EXO1: variants seen among roughly 807,000 people sequenced by gnomAD.
EXO1 encodes exonuclease 1.
A neutral mutation model predicts 84.5 loss-of-function variants in EXO1; 69 were observed. The observed-to-expected ratio is 0.82, with a 90% confidence interval of 0.67 to 1.00. The LOEUF is 1.00. EXO1 is among the 50% of genes least tolerant of loss of function. EXO1 has a pLI of 0.00. For missense variants in EXO1, 1,045 were observed against 1,000.7 expected (o/e 1.04, Z -0.60); for synonymous variants, 373 against 366.1 (o/e 1.02, Z -0.21).
chr1:241,848,013 C>A, upstream of EXO1: 1 of 152,346 alleles, frequency 6.6e-6, no homozygotes, highest in East Asian at 1.9e-4. The surrounding 1 kb of genome is among the most constrained non-coding windows in gnomAD (Gnocchi z 4.2). Flanking sequence ...CAAGAAGCCG[C>A]ACGGAGTTCG....
chr1:241,878,197 C>CTTT (rs1662509615), intron 12 of EXO1, among the ~76,000 whole-genome samples: 1 of 152,144 alleles, frequency 6.6e-6, no homozygotes. Context: ...TAGAAGACTG[C>CTTT]TTTTAGAAAG....
At chr1:241,852,965 A>T (rs1660751857) in intron 5 of EXO1, among the ~76,000 whole-genome samples, 1 of 152,192 alleles carries the variant, frequency 6.6e-6, no homozygotes, top group Admixed American at 6.5e-5. Flanking sequence ...CCTAAAAAAA[A>T]ATTAATAAAT....
intron 12 of EXO1, 61 bp from the exon 13 acceptor site, chr1:241,878,688 C>A (rs1257110884): frequency 1.3e-5 from 12 of 953,676 alleles, no homozygotes; most frequent in Non-Finnish European, 1.8e-5. Context: ...ATCTTGACAC[C>A]CCTTGAGAAA....
At position 241,872,449 on chromosome 1, in the gene EXO1, C is replaced by T. The variant is rs142008349; in HGVS notation, c.1514+171C>T. 8.6e-3 allele frequency among the ~76,000 whole-genome samples: 1,306 copies of T among 152,192 alleles called. 23 individuals carry two copies. Among genetic ancestry groups the T allele is most frequent in the African/African-American group, 0.029 (1,204 of 41,506 alleles). The stretch of plus-strand genomic sequence containing the variant: ...ATACATGTGCCATGGTGATTTGCTG[C>T]ACCCATCAACCCGTCACCTCCATTA... On this transcript the variant is annotated intron_variant, in intron 12 of 15. Coordinates refer to ENST00000366548, the MANE Select transcript of EXO1 (RefSeq NM_130398.4).
intron 10 of EXO1, among the ~76,000 whole-genome samples, chr1:241,862,559 C>T (rs1224506822): frequency 6.6e-6 from 1 of 152,198 alleles, no homozygotes; most frequent in African/African-American, 2.4e-5. Context: ...TCACATTTCT[C>T]TTTTATTTCC....
chr1:241,889,471 T>A lies in EXO1; in HGVS notation c.2412T>A (p.Ser804=). 1.2e-6 allele frequency: 2 copies of A among 1,613,392 alleles called. No homozygotes were observed. The highest frequency in any genetic ancestry group is 8.5e-7 in the Non-Finnish European group (1 of 1,179,288). The change falls in exon 16 of 16, where the codon TCT becomes TCA. Residue 804 remains serine, a synonymous_variant. Transcript: ENST00000366548. ...ATTTTATTGTATTTTGCAGAGATTC[T>A]GAAAAGCTTCCTCCTTGTAAGAAAC... ...LWKNFGFKKD[S]EKLPPCKKPL... is the part of the protein sequence containing the mutation.
chr1:241,870,144 A>G (rs981421986), intron 11 of EXO1, among the ~76,000 whole-genome samples: 5 of 152,092 alleles, frequency 3.3e-5, no homozygotes, highest in African/African-American at 1.2e-4. Flanking sequence ...TGCTACAATC[A>G]AGACACGCTG....
chr1:241,871,915 T>C, intron 11 of EXO1, 117 bp from the exon 12 acceptor site: 1 of 722,846 alleles, frequency 1.4e-6, no homozygotes. Flanking sequence ...GGCATAGTTT[T>C]TTTTTTTTTT....
At chr1:241,852,168 A>G in intron 4 of EXO1, 124 bp from the exon 5 acceptor site, 2 of 853,156 alleles carry the variant, frequency 2.3e-6, no homozygotes, top group East Asian at 2.5e-5. Context: ...CTATGAAAAC[A>G]TCTGCTTAAA....
chr1:241,884,211 C>A (rs181194150), intron 14 of EXO1, among the ~76,000 whole-genome samples: 1 of 152,136 alleles, frequency 6.6e-6, no homozygotes, highest in Non-Finnish European at 1.5e-5. Context: ...CAAATTCTAA[C>A]GTTTATTTCT....
chr1:241,881,131 G>T (rs183425408), intron 13 of EXO1, among the ~76,000 whole-genome samples: 2 of 152,010 alleles, frequency 1.3e-5, no homozygotes, highest in Non-Finnish European at 2.9e-5. Context: ...GGGTTCAAGC[G>T]ATTCTCCCAC....
Position 241,850,624 on chromosome 1 carries a change from G to T in EXO1, c.161+38G>T, listed in dbSNP as rs369324552. On this transcript the variant is annotated intron_variant, in intron 4 of 15. Transcript: ENST00000366548. ...CTTATGTTAATTCTTTGACAATTAA[G>T]AATGAGACCTACAGTGCCTTTTTTT... is the stretch of plus-strand genomic sequence containing the variant. 49 of 1,566,212 alleles carry T rather than the reference G, an allele frequency of 3.1e-5. No homozygotes were observed. The African/African-American group carries it at 5.8e-4, about 19-fold the overall frequency.
Position 241,875,968 on chromosome 1 carries a change from G to A in EXO1, c.1515-2781G>A, listed in dbSNP as rs187043132. Reference sequence around the variant, plus strand: ...TTTTCTAGCTTGGTTTTGTTTTTCCGCTGGGGTGAGAGTAGAGTGTCCCTG... The same window carrying A: ...TTTTCTAGCTTGGTTTTGTTTTTCCACTGGGGTGAGAGTAGAGTGTCCCTG... On this transcript the variant is annotated intron_variant, in intron 12 of 15. Transcript: ENST00000366548. Among the ~76,000 whole-genome samples the A allele has an allele frequency of 8.0e-4, 122 of 152,262 alleles. 3 individuals are homozygous for A. The highest frequency in any genetic ancestry group is 7.7e-3 in the Admixed American group (118 of 15,294).
rs1252435142 is a variant in EXO1 at position 241,848,960 on chromosome 1, A to AT, written c.-187dup. 6.6e-6 allele frequency: 1 copy of AT among 152,222 alleles called. No homozygotes were observed. The highest frequency in any genetic ancestry group is 2.4e-5 in the African/African-American group (1 of 41,448). 9.4% of individuals were successfully genotyped at this position (152,222 alleles called of 1,614,324 possible). ...CCTGGCCCAGAAGAAACTTATGTAA[A>AT]TTTCATGAACTATTATATCCGTTTT... is the stretch of plus-strand genomic sequence containing the variant. On this transcript the variant is annotated 5_prime_UTR_variant, in exon 2 of 16. An upstream open reading frame in the 5' UTR gains an earlier in-frame stop. Coordinates refer to ENST00000366548, the MANE Select transcript of EXO1 (RefSeq NM_130398.4). This position sits in a 1 kb window ranked among gnomAD's most constrained non-coding sequence, Gnocchi z 4.2.
At chr1:241,880,049 C>A (rs561934587) in intron 13 of EXO1, among the ~76,000 whole-genome samples, 2 of 151,862 alleles carry the variant, frequency 1.3e-5, no homozygotes, top group African/African-American at 4.8e-5. Context: ...AGGAAATAAC[C>A]CTGTTAATGC....
At chr1:241,853,603 T>C (rs1660788564) in intron 6 of EXO1, 122 bp downstream of exon 6, 1 of 994,158 alleles carries the variant, frequency 1.0e-6, no homozygotes. Flanking sequence ...AAAGGGCAGA[T>C]GTCAGAAGGA....
At chr1:241,876,080 A>G (rs1635502) in intron 12 of EXO1, among the ~76,000 whole-genome samples, 91,067 of 151,988 alleles carry the variant, frequency 0.6, 27,786 homozygotes, top group East Asian at 0.79. Flanking sequence ...TTTAGTCATT[A>G]TAGAAGCTTA....
At chr1:241,867,470 A>G (rs1312553870) in intron 11 of EXO1, among the ~76,000 whole-genome samples, 1 of 152,192 alleles carries the variant, frequency 6.6e-6, no homozygotes, top group Non-Finnish European at 1.5e-5. Flanking sequence ...AACACATAGG[A>G]ATTATGGGAG....
chr1:241,867,034 A>G lies in EXO1; in HGVS notation c.1246A>G (p.Ile416Val), dbSNP rs1318996674. The G allele has an allele frequency of 6.8e-6, 11 of 1,613,584 alleles. No individual in the cohort carries two copies. The highest frequency in any genetic ancestry group is 1.1e-5 in the South Asian group (1 of 91,074). ...GTTAAATCTCCCAAGGAAATCATCC[A>G]TTGTGAAAAGACCAAGAAGTGGTAC... The part of the protein sequence containing the change: ...KGLNLPRKSS[I>V]VKRPRSAELS... Residue 416 changes from isoleucine (I) to valine (V), a missense_variant, in exon 11 of 16, where the codon ATT becomes GTT. Ile to Val is a conservative substitution (Grantham distance 29). Coordinates refer to ENST00000366548, the MANE Select transcript of EXO1 (RefSeq NM_130398.4).
Sources: allele counts gnomAD v4.1 joint callset (sites outside exome capture counted in the v4.1 genomes callset), GRCh38; gene constraint gnomAD v4.1.1; non-coding constraint Gnocchi (gnomAD v3.1); transcripts MANE v1.5; gene names NCBI Gene and HGNC (gene_info 2026-07-23, HGNC 2026-07-21).